The following SAXO1 variants were observed in gnomAD, a reference collection of about 807,000 sequenced individuals.
SAXO1 encodes the protein stabilizer of axonemal microtubules 1.
SAXO1 carries 21 observed loss-of-function variants against 17.5 expected under a neutral mutation model. That is an observed-to-expected ratio of 1.20 (90% CI 0.85 to 1.72). SAXO1 has a LOEUF of 1.72. Among genes scored for constraint, SAXO1 ranks in the 40% most tolerant of loss-of-function variants. The probability of loss-of-function intolerance (pLI) is 0.00; values close to 1 mark genes in which losing one functional copy is unlikely to be tolerated. For missense variants in SAXO1, 843 were observed against 596.0 expected (o/e 1.41, Z -4.32); for synonymous variants, 274 against 216.5 (o/e 1.27, Z -2.33).
At chr9:19,009,255 AAT>A (rs202146668) in intron 1 of SAXO1, among the ~76,000 whole-genome samples, 2 of 142,030 alleles carry the variant, frequency 1.4e-5, no homozygotes, top group Non-Finnish European at 3.1e-5. Context: ...TTAAAAAAAA[AAT>A]TTAATCCCAG....
intron 1 of SAXO1, chr9:19,026,819 A>G: frequency 1.9e-6 from 1 of 534,848 alleles, no homozygotes; most frequent in South Asian, 1.8e-5. Context: ...TCACAAGGTC[A>G]GGAGTTCAAG....
chr9:19,041,249 G>T (rs1836072282), intron 1 of SAXO1, among the ~76,000 whole-genome samples: 1 of 144,672 alleles, frequency 6.9e-6, no homozygotes, highest in Non-Finnish European at 1.5e-5. Flanking sequence ...GGAAGTGAAA[G>T]AGCTCTACAA....
At chr9:19,027,770 C>T in intron 1 of SAXO1, 2 of 1,506,056 alleles carry the variant, frequency 1.3e-6, no homozygotes, top group Non-Finnish European at 1.8e-6. Context: ...GATGCTGGAG[C>T]TTCTGAACCA....
chr9:18,943,134 G>T (rs1454964326), intron 2 of SAXO1, among the ~76,000 whole-genome samples: 1 of 152,232 alleles, frequency 6.6e-6, no homozygotes, highest in African/African-American at 2.4e-5. Context: ...CCCGAACCGG[G>T]TCCTGAAAAT....
chr9:19,023,729 A>T (rs1445192743), intron 1 of SAXO1, among the ~76,000 whole-genome samples: 4 of 152,190 alleles, frequency 2.6e-5, no homozygotes, highest in Admixed American at 1.3e-4. Context: ...CAAAACATTA[A>T]CAGATTTAAA....
intron 1 of SAXO1, among the ~76,000 whole-genome samples, chr9:18,988,986 T>G (rs1018077979): frequency 2.0e-5 from 3 of 152,156 alleles, no homozygotes; most frequent in Non-Finnish European, 1.5e-5. Flanking sequence ...TTGTGAACTT[T>G]CCCCTATAGG....
intron 1 of SAXO1, among the ~76,000 whole-genome samples, chr9:18,993,374 G>T (rs1433726207): frequency 6.6e-6 from 1 of 151,736 alleles, no homozygotes; most frequent in Non-Finnish European, 1.5e-5. Context: ...ATCTGTTGAG[G>T]GCTCATCCAT....
At chr9:18,987,854 A>AC (rs1264867147) in intron 1 of SAXO1, among the ~76,000 whole-genome samples, 1 of 151,254 alleles carries the variant, frequency 6.6e-6, no homozygotes, top group African/African-American at 2.4e-5. Flanking sequence ...CAGAGATGGC[A>AC]CCACCCCACT....
chr9:18,982,362 C>A (rs1035653847), intron 1 of SAXO1, among the ~76,000 whole-genome samples: 2 of 152,158 alleles, frequency 1.3e-5, no homozygotes, highest in African/African-American at 4.8e-5. Flanking sequence ...AAATTCCCTC[C>A]CCAGGGAAGG....
chr9:19,003,792 T>C (rs1050450970), intron 1 of SAXO1, among the ~76,000 whole-genome samples: 3 of 152,106 alleles, frequency 2.0e-5, no homozygotes, highest in African/African-American at 7.2e-5. Context: ...ATAAAAACCC[T>C]AGAAGAAAAC....
intron 1 of SAXO1, among the ~76,000 whole-genome samples, chr9:18,975,235 TGGG>T (rs1833097432): frequency 1.3e-5 from 2 of 151,082 alleles, no homozygotes; most frequent in African/African-American, 2.4e-5. Context: ...GAGTGCAGGC[TGGG>T]GAAGCAGGGA....
intron 1 of SAXO1, among the ~76,000 whole-genome samples, chr9:19,042,552 T>C (rs1836102278): frequency 6.6e-6 from 1 of 152,218 alleles, no homozygotes; most frequent in African/African-American, 2.4e-5. Flanking sequence ...TAAGTGTCTA[T>C]TAACAGATAA....
chr9:18,943,520 A>G (rs1322955018), intron 2 of SAXO1, among the ~76,000 whole-genome samples: 2 of 152,220 alleles, frequency 1.3e-5, no homozygotes, highest in African/African-American at 4.8e-5. Context: ...AAGACAAATG[A>G]AAATGCCCAG....
At chr9:18,948,203 T>A (rs1237792939) in intron 2 of SAXO1, among the ~76,000 whole-genome samples, 1 of 152,164 alleles carries the variant, frequency 6.6e-6, no homozygotes, top group Non-Finnish European at 1.5e-5. Flanking sequence ...TTCCTGACAG[T>A]GGCATAATTT....
intron 3 of SAXO1, among the ~76,000 whole-genome samples, chr9:18,936,952 G>C (rs1831322437): frequency 6.6e-6 from 1 of 152,184 alleles, no homozygotes; most frequent in African/African-American, 2.4e-5. Flanking sequence ...TTTTTCTGTG[G>C]AACAAATGTA....
chr9:19,044,440 A>G (rs1192444629), intron 1 of SAXO1, among the ~76,000 whole-genome samples: 1 of 152,230 alleles, frequency 6.6e-6, no homozygotes, highest in Non-Finnish European at 1.5e-5. Context: ...ATCTTTCTCC[A>G]GAATCCCACA....
rs774499774 is a variant in SAXO1, at chr9:18,928,665, G to A, written c.812C>T (p.Thr271Ile). The A allele has an allele frequency of 5.6e-6, 9 of 1,614,138 alleles. No individual in the cohort carries two copies. The South Asian group carries it at 9.9e-5, about 18-fold the overall frequency. Residue 271 changes from threonine (T) to isoleucine (I), a missense_variant, in exon 4 of 4, where the codon ACC becomes ATC. By Grantham distance (89) the Thr-to-Ile change is moderately conservative (BLOSUM62 -1). Coordinates refer to ENST00000380534, the MANE Select transcript of SAXO1 (RefSeq NM_153707.4). ...PPGLDMPFCN[T>I]TEFRDKYQAW... ...TTGGTACTTATCTCGAAACTCAGTG[G>A]TGTTACAGAAAGGCATGTCTAGCCC...
chr9:18,928,121 CT>C lies in SAXO1; in HGVS notation c.1355del (p.Gln452ArgfsTer8). ...CATCTACAGAAAGATGGCTGCTCTGCTGAGAGCCTGCCTGGGAAACTGGTTT... is the reference window on the plus strand; with the variant it reads ...CATCTACAGAAAGATGGCTGCTCTGCGAGAGCCTGCCTGGGAAACTGGTTT... Reference protein sequence around the residue: ...IYKPVSQAGSQQSSHLSVDDS... With the variant: ...IYKPVSQAGSXQSSHLSVDDS... On this transcript the variant is annotated frameshift_variant, in exon 4 of 4. Coordinates refer to ENST00000380534, the MANE Select transcript of SAXO1 (RefSeq NM_153707.4). LOFTEE classifies it low-confidence loss of function (END_TRUNC). The C allele has an allele frequency of 6.2e-7, 1 of 1,614,168 alleles. No individual in the cohort carries two copies. The highest frequency in any genetic ancestry group is 8.5e-7 in the Non-Finnish European group (1 of 1,180,016).
chr9:18,963,444 T>C (rs1401564803), intron 1 of SAXO1, among the ~76,000 whole-genome samples: 1 of 152,156 alleles, frequency 6.6e-6, no homozygotes, highest in African/African-American at 2.4e-5. Context: ...GAGCATGCAA[T>C]GTTTTTCCAC....
Sources: gnomAD v4.1 joint callset for allele counts (sites outside exome capture counted in the v4.1 genomes callset) on GRCh38, gnomAD v4.1.1 for gene constraint, MANE v1.5 for transcripts, NCBI Gene and HGNC (gene_info 2026-07-23, HGNC 2026-07-21) for gene names.